Variants in APOO observed in about 807,000 individuals in gnomAD.
APOO encodes the protein apolipoprotein O.
APOO carries 11 observed loss-of-function variants against 23.1 expected under a neutral mutation model. The observed-to-expected ratio is 0.48, with a 90% CI of 0.30 to 0.79. The LOEUF (loss-of-function observed/expected upper bound fraction) is 0.79, where lower values mean the gene tolerates loss of function less well. Ranked by LOEUF, APOO falls within the 30% of genes least tolerant of loss-of-function variation. The pLI, the probability that APOO is intolerant of heterozygous loss-of-function variation, is 0.07. For missense variants in APOO, 160 were observed against 142.7 expected (o/e 1.12, Z -0.62); for synonymous variants, 59 against 54.8 (o/e 1.08, Z -0.34).
At chrX:23,876,217 C>T (rs1925839276) in intron 3 of APOO, among the ~76,000 whole-genome samples, 1 of 109,878 alleles carries the variant, frequency 9.1e-6, no homozygotes, top group Non-Finnish European at 1.9e-5. Flanking sequence ...GAGCCGAGAT[C>T]GCGCCACTGC....
At chrX:23,904,531 C>T (rs776838276) in intron 1 of APOO, among the ~76,000 whole-genome samples, 23 of 69,604 alleles carry the variant, frequency 3.3e-4, no homozygotes, top group African/African-American at 1.0e-3. Context: ...TTTTTTGGGA[C>T]GGAGTCTCGC....
Position 23,865,780 on chromosome X carries a change from G to A in APOO, c.388+2813C>T, listed in dbSNP as rs756250599. 1.0e-3 allele frequency among the ~76,000 whole-genome samples: 111 copies of A among 110,920 alleles called. 1 individual carries two copies. The highest frequency in any genetic ancestry group is 3.6e-3 in the African/African-American group (109 of 30,581). ...ACCCCTCTGATGCTGCTCACCTCAG[G>A]TCTTTCTATACCCAACGCTCAGGAG... On this transcript the variant is annotated intron_variant, in intron 5 of 8. Coordinates refer to ENST00000379226, the MANE Select transcript of APOO (RefSeq NM_024122.5).
chrX:23,889,963 C>G (rs1178829665), intron 1 of APOO, among the ~76,000 whole-genome samples: 2 of 110,929 alleles, frequency 1.8e-5, no homozygotes, highest in African/African-American at 6.5e-5. Flanking sequence ...GCCTGGCCCA[C>G]CTGGGGAATT....
intron 7 of APOO, among the ~76,000 whole-genome samples, chrX:23,854,488 T>C (rs748200818): frequency 8.9e-6 from 1 of 112,149 alleles, no homozygotes; most frequent in Non-Finnish European, 1.9e-5. Flanking sequence ...TCCTTTCCCA[T>C]ATAAAATTTA....
At chrX:23,894,762 C>T (rs927455163) in intron 1 of APOO, among the ~76,000 whole-genome samples, 2 of 108,572 alleles carry the variant, frequency 1.8e-5, no homozygotes, top group Middle Eastern at 4.8e-3. Context: ...TGCCACTGCA[C>T]TCCAGCTTAG....
chrX:23,849,751 G>A (rs1924444736), intron 7 of APOO, among the ~76,000 whole-genome samples: 1 of 108,511 alleles, frequency 9.2e-6, no homozygotes, highest in African/African-American at 3.4e-5. Flanking sequence ...AATTAGGCGG[G>A]GGCGGTGGCG....
intron 2 of APOO, among the ~76,000 whole-genome samples, 177 bp from the exon 3 acceptor site, chrX:23,879,211 G>A (rs766194021): frequency 1.8e-5 from 2 of 111,841 alleles, no homozygotes; most frequent in Non-Finnish European, 3.8e-5. Context: ...CAGGGCAGGC[G>A]GATCACTTAA....
intron 7 of APOO, among the ~76,000 whole-genome samples, chrX:23,855,211 G>C (rs902022853): frequency 4.6e-5 from 5 of 108,529 alleles, no homozygotes; most frequent in African/African-American, 1.7e-4. Context: ...TTTTTGGAGA[G>C]ATAGGGTCTC....
chrX:23,865,358 C>A (rs745757323), intron 5 of APOO, among the ~76,000 whole-genome samples: 1 of 111,087 alleles, frequency 9.0e-6, no homozygotes, highest in South Asian at 3.8e-4. Flanking sequence ...GATCCCAGCA[C>A]TTTGGGAGGC....
At position 23,881,783 on chromosome X, in the gene APOO, A is replaced by T. The variant is rs1256682993; in HGVS notation, c.10-831T>A. 1.2e-4 allele frequency among the ~76,000 whole-genome samples: 4 copies of T among 33,899 alleles called. No homozygotes were observed. The African/African-American group carries it at 3.3e-3, about 28-fold the overall frequency. 29.4% of individuals were successfully genotyped at this position (33,899 alleles called of 115,157 possible). On this transcript the variant is annotated intron_variant, in intron 1 of 8. Coordinates refer to ENST00000379226, the MANE Select transcript of APOO (RefSeq NM_024122.5). ...GAAATCCCGTCTCTACTAAAATTAC[A>T]AAAAAAAAAAAAAAATTAGCTGGGC... is the stretch of plus-strand genomic sequence containing the variant.
chrX:23,879,115 A>G (rs1601923036), intron 2 of APOO, 81 bp from the exon 3 acceptor site: 3 of 1,047,727 alleles, frequency 2.9e-6, no homozygotes, highest in East Asian at 3.4e-5. Flanking sequence ...AGTATTTAAT[A>G]TAATATTTCT....
Position 23,905,345 on chromosome X carries a change from G to A in APOO, c.9+2349C>T, listed in dbSNP as rs180678628. ...GCGGAGGCTGCAGTGAGCCAAGATC[G>A]CACCACTGCACTCCAGCCCGGACAA... On this transcript the variant is annotated intron_variant, in intron 1 of 8. Transcript: ENST00000379226. Among the ~76,000 whole-genome samples the A allele has an allele frequency of 1.5e-3, 161 of 109,842 alleles. 2 individuals are homozygous for A. The highest frequency in any genetic ancestry group is 0.014 in the Admixed American group (142 of 10,213).
intron 1 of APOO, among the ~76,000 whole-genome samples, chrX:23,888,849 C>CAAAA (rs11338273): frequency 2.2e-4 from 9 of 41,254 alleles, no homozygotes; most frequent in Admixed American, 3.6e-4. Flanking sequence ...GATTTCATCT[C>CAAAA]AAAAAAAAAA....
intron 3 of APOO, among the ~76,000 whole-genome samples, chrX:23,878,677 A>T (rs1301815402): frequency 9.2e-6 from 1 of 108,222 alleles, no homozygotes; most frequent in Non-Finnish European, 1.9e-5. Flanking sequence ...TGTTGACTAC[A>T]GTCATCCTGT....
At chrX:23,889,747 C>G (rs1165439099) in intron 1 of APOO, among the ~76,000 whole-genome samples, 3 of 105,364 alleles carry the variant, frequency 2.8e-5, no homozygotes, top group Non-Finnish European at 5.8e-5. Flanking sequence ...ACTGCAAGCT[C>G]CGCCTCCTGG....
chrX:23,860,833 T>G (rs1924986287), intron 5 of APOO, among the ~76,000 whole-genome samples: 1 of 96,868 alleles, frequency 1.0e-5, no homozygotes, highest in Non-Finnish European at 2.1e-5. Context: ...CCCATCTCTA[T>G]TCCTTTAAAA....
At chrX:23,860,580 A>G (rs1467413720) in intron 5 of APOO, among the ~76,000 whole-genome samples, 3 of 109,628 alleles carry the variant, frequency 2.7e-5, no homozygotes, top group African/African-American at 1.0e-4. Context: ...TGGCACAATC[A>G]TGGCTCACTG....
At chrX:23,842,197 T>G (rs1018896906) in intron 7 of APOO, among the ~76,000 whole-genome samples, 3 of 111,367 alleles carry the variant, frequency 2.7e-5, no homozygotes, top group Non-Finnish European at 3.8e-5. Context: ...AAGATCAGCC[T>G]GGGCAACATG....
chrX:23,889,854 G>A (rs932670555), intron 1 of APOO, among the ~76,000 whole-genome samples: 13 of 109,159 alleles, frequency 1.2e-4, no homozygotes, highest in Admixed American at 3.9e-4. Flanking sequence ...GTAGAGACGG[G>A]GTTTCACTGT....
Sources: gnomAD v4.1 joint callset for allele counts (sites outside exome capture counted in the v4.1 genomes callset) on GRCh38, gnomAD v4.1.1 for gene constraint, MANE v1.5 for transcripts, NCBI Gene and HGNC (gene_info 2026-07-23, HGNC 2026-07-21) for gene names.